The following PCDHA2 variants were observed in gnomAD, a reference collection of about 807,000 sequenced individuals.
PCDHA2 encodes the protein protocadherin alpha 2.
Under a neutral mutation model 66.0 loss-of-function variants are expected in PCDHA2, and 58 were observed. That is an observed-to-expected ratio of 0.88 (90% CI 0.71 to 1.09). The LOEUF is 1.09. Ranked by LOEUF, PCDHA2 falls within the 50% of genes least tolerant of loss-of-function variation. The pLI, the probability that PCDHA2 is intolerant of heterozygous loss-of-function variation, is 0.00. For synonymous variants in PCDHA2, 634 were observed against 554.0 expected (o/e 1.14, Z -2.03); for missense variants, 1,267 against 1,242.3 (o/e 1.02, Z -0.30).
chr5:140,849,079 T>C (rs1554142746), intron 1 of PCDHA2: 1 of 1,521,712 alleles, frequency 6.6e-7, no homozygotes, highest in African/African-American at 1.5e-5. Flanking sequence ...CTTGGACTTG[T>C]ATTACGGAAA....
chr5:140,990,172 TGA>T (rs1341832599), intron 3 of PCDHA2, among the ~76,000 whole-genome samples: 1 of 152,022 alleles, frequency 6.6e-6, no homozygotes, highest in Non-Finnish European at 1.5e-5. Context: ...TATGAAAAGG[TGA>T]CTTTTAAGAA....
chr5:140,978,806 C>G (rs1554239758), intron 1 of PCDHA2, 143 bp from the exon 2 acceptor site: 2 of 1,492,474 alleles, frequency 1.3e-6, no homozygotes, highest in Non-Finnish European at 1.8e-6. Context: ...TAGATATCAT[C>G]ATAGAGTTAC....
rs782244607 is a variant in PCDHA2 at position 140,802,128 on chromosome 5, G to C, written c.2388+4776G>C. ...CAGTGTAAAGGGTAACATAGATTTCGAGGAAAGTAAGTCATATGAAATCCA... is the reference window on the plus strand; with the variant it reads ...CAGTGTAAAGGGTAACATAGATTTCCAGGAAAGTAAGTCATATGAAATCCA... On this transcript the variant is annotated intron_variant, in intron 1 of 3. Transcript: ENST00000526136. 2.5e-6 allele frequency: 4 copies of C among 1,614,194 alleles called. No homozygotes were observed. In the Middle Eastern group the frequency reaches 4.9e-4, roughly 200 times the overall value.
chr5:140,852,246 C>T, intron 1 of PCDHA2: 3 of 546,236 alleles, frequency 5.5e-6, no homozygotes, highest in South Asian at 1.6e-4. Flanking sequence ...TTAAAACACA[C>T]TTTTGGAATA....
chr5:140,880,646 C>A (rs782457852), intron 1 of PCDHA2, among the ~76,000 whole-genome samples: 1 of 152,060 alleles, frequency 6.6e-6, no homozygotes, highest in Non-Finnish European at 1.5e-5. Context: ...ACTTGAGAGC[C>A]CAACTGAGGT....
At chr5:140,874,188 A>G (rs1478438376) in intron 1 of PCDHA2, among the ~76,000 whole-genome samples, 2 of 152,208 alleles carry the variant, frequency 1.3e-5, no homozygotes, top group Non-Finnish European at 2.9e-5. Flanking sequence ...TAAAGGTGTC[A>G]TATTTCAGTT....
intron 1 of PCDHA2, among the ~76,000 whole-genome samples, chr5:140,833,762 A>G (rs1772630796): frequency 6.6e-6 from 1 of 151,978 alleles, no homozygotes; most frequent in East Asian, 1.9e-4. Context: ...ACACACACAC[A>G]CACACCGCTT....
intron 1 of PCDHA2, chr5:140,809,676 A>G: frequency 7.2e-7 from 1 of 1,388,146 alleles, no homozygotes; most frequent in Non-Finnish European, 9.7e-7. Context: ...TTAAAATTTT[A>G]CCTCTTTTTA....
At chr5:140,927,193 C>G in intron 1 of PCDHA2, 1 of 1,614,186 alleles carries the variant, frequency 6.2e-7, no homozygotes, top group South Asian at 1.1e-5. Context: ...CGACCTGGTG[C>G]TCGAGGACCC....
intron 1 of PCDHA2, among the ~76,000 whole-genome samples, chr5:140,951,626 C>T (rs1182328214): frequency 3.3e-5 from 5 of 152,062 alleles, no homozygotes; most frequent in African/African-American, 4.8e-5. Context: ...AAGGGGGAAA[C>T]CTGCCCCATG....
rs149975240 is a variant in PCDHA2, at chr5:140,822,914, C to T, written c.2388+25562C>T. On this transcript the variant is annotated intron_variant, in intron 1 of 3. Transcript: ENST00000526136. ...AGCGTGTCTGACCGTGACTCAGGTGCCAACGGGCAGGTGACCTGCTCCCTA... is the reference window on the plus strand; with the variant it reads ...AGCGTGTCTGACCGTGACTCAGGTGTCAACGGGCAGGTGACCTGCTCCCTA... 3,249 of 1,614,244 alleles carry T rather than the reference C, an allele frequency of 2.0e-3. 9 individuals carry two copies. Among genetic ancestry groups the T allele is most frequent in the Non-Finnish European group, 2.0e-3 (2,332 of 1,180,052 alleles).
intron 1 of PCDHA2, among the ~76,000 whole-genome samples, chr5:140,874,511 C>G (rs1376439369): frequency 4.6e-5 from 7 of 152,212 alleles, no homozygotes; most frequent in Admixed American, 3.9e-4. Flanking sequence ...ATTCTCTTGA[C>G]TTTAGTCAAT....
chr5:140,801,081 C>T (rs1274871111), intron 1 of PCDHA2: 12 of 1,482,502 alleles, frequency 8.1e-6, no homozygotes, highest in South Asian at 1.4e-5. Context: ...TACTGCTTTG[C>T]TTCATCCTCT....
chr5:140,836,724 T>C (rs2150268487), intron 1 of PCDHA2: 3 of 1,611,936 alleles, frequency 1.9e-6, no homozygotes, highest in Admixed American at 3.3e-5. Context: ...TCAGGGTCCA[T>C]CCTCTACAGA....
chr5:140,803,804 T>C lies in PCDHA2; in HGVS notation c.2388+6452T>C, dbSNP rs145715704. On this transcript the variant is annotated intron_variant, in intron 1 of 3. Coordinates refer to ENST00000526136, the MANE Select transcript of PCDHA2 (RefSeq NM_018905.3). ...TAAGTTATGATATCCACACTTGTAA[T>C]TTTGTTTTGTTATTAGGTGCAGTAG... 214 of 765,130 alleles carry C rather than the reference T, an allele frequency of 2.8e-4. 1 individual carries two copies. In the African/African-American group the frequency reaches 3.3e-3, roughly 12 times the overall value. The allele number at this position is 765,130 out of a possible 1,614,324, so 47.4% of individuals were successfully genotyped here. A position where few individuals can be genotyped will look rare whatever the true frequency, so the allele number is the denominator to read the frequency against.
rs782379229 is a variant in PCDHA2, at chr5:140,927,578, A to G, written c.2389-51371A>G. ...ATCATTGTGGTGGACACAAATGACAACGCGCCTGTATTTGAGCGCTCCGTA... is the reference window on the plus strand; with the variant it reads ...ATCATTGTGGTGGACACAAATGACAGCGCGCCTGTATTTGAGCGCTCCGTA... On this transcript the variant is annotated intron_variant, in intron 1 of 3. Transcript: ENST00000526136. 1.5e-5 allele frequency: 24 copies of G among 1,614,024 alleles called. No homozygotes were observed. The highest frequency in any genetic ancestry group is 2.0e-5 in the Non-Finnish European group (24 of 1,180,026).
At chr5:140,967,060 G>T in intron 1 of PCDHA2, 1 of 1,612,802 alleles carries the variant, frequency 6.2e-7, no homozygotes, top group Non-Finnish European at 8.5e-7. Flanking sequence ...CGAGTGGAGC[G>T]CTCTTCGTCA....
At chr5:140,899,753 T>G (rs2067532965) in intron 1 of PCDHA2, among the ~76,000 whole-genome samples, 1 of 152,244 alleles carries the variant, frequency 6.6e-6, no homozygotes, top group African/African-American at 2.4e-5. Flanking sequence ...TCAGAAGGAA[T>G]GGTACCAGTT....
intron 1 of PCDHA2, among the ~76,000 whole-genome samples, chr5:140,892,004 T>A (rs562047314): frequency 6.6e-6 from 1 of 152,364 alleles, no homozygotes; most frequent in East Asian, 1.9e-4. Flanking sequence ...TGGCATTCTG[T>A]TATAGCAGCA....
Sources: gnomAD v4.1 joint callset for allele counts (sites outside exome capture counted in the v4.1 genomes callset) on GRCh38, gnomAD v4.1.1 for gene constraint, MANE v1.5 for transcripts, NCBI Gene and HGNC (gene_info 2026-07-23, HGNC 2026-07-21) for gene names.